SLX4IP: variants seen among roughly 807,000 people sequenced by gnomAD.
The protein encoded by SLX4IP is SLX4 interacting protein.
In SLX4IP, 34 loss-of-function variants were observed where a neutral mutation model predicts 32.9. The ratio of observed to expected loss-of-function variants is 1.03; its 90% CI spans 0.79 to 1.38. The LOEUF (loss-of-function observed/expected upper bound fraction) is 1.38. Among genes scored for constraint, SLX4IP ranks in the 40% most tolerant of loss-of-function variants. The pLI, the probability that SLX4IP is intolerant of heterozygous loss-of-function variation, is 0.00. For synonymous variants in SLX4IP, 172 were observed against 171.7 expected (o/e 1.00, Z -0.01); for missense variants, 444 against 479.0 (o/e 0.93, Z 0.68).
rs1404121462 is a variant in SLX4IP at position 10,614,276 on chromosome 20, C to T, written c.406-7038C>T. ...AGATCCAGCTCTCAAAAGATGAAGA[C>T]AGAATTCATGAAGTCCTACCTTGAG... On this transcript the variant is annotated intron_variant, in intron 6 of 7. Coordinates refer to ENST00000334534, the MANE Select transcript of SLX4IP (RefSeq NM_001009608.3). 1.0e-5 allele frequency: 6 copies of T among 602,484 alleles called. No homozygotes were observed. In the East Asian group the frequency reaches 1.7e-4, roughly 17 times the overall value. 37.3% of individuals were successfully genotyped at this position (602,484 alleles called of 1,614,324 possible).
chr20:10,449,577 G>T (rs2122328576), intron 1 of SLX4IP, among the ~76,000 whole-genome samples: 2 of 152,276 alleles, frequency 1.3e-5, no homozygotes, highest in Non-Finnish European at 1.5e-5. Context: ...TGAGATGCTG[G>T]CCTGGTCCCA....
chr20:10,601,176 T>TA (rs879724461), intron 5 of SLX4IP, among the ~76,000 whole-genome samples: 156 of 152,332 alleles, frequency 1.0e-3, no homozygotes, highest in Admixed American at 1.7e-3. Flanking sequence ...TATTTAACCA[T>TA]TTTCTTAATA....
intron 4 of SLX4IP, among the ~76,000 whole-genome samples, chr20:10,595,569 T>C (rs990729533): frequency 4.6e-5 from 7 of 152,168 alleles, no homozygotes; most frequent in African/African-American, 1.7e-4. Flanking sequence ...TAGCCCTGGG[T>C]AAGTACAAAA....
At chr20:10,515,054 A>G in intron 2 of SLX4IP, among the ~76,000 whole-genome samples, 1 of 141,462 alleles carries the variant, frequency 7.1e-6, no homozygotes, top group East Asian at 2.1e-4. Flanking sequence ...CTTTTGTTAA[A>G]TTCACATTTA....
intron 2 of SLX4IP, among the ~76,000 whole-genome samples, chr20:10,462,970 G>T (rs2065350551): frequency 6.6e-6 from 1 of 152,196 alleles, no homozygotes; most frequent in African/African-American, 2.4e-5. Context: ...TGTAGTCCCA[G>T]CCATTTGGGG....
At chr20:10,526,196 T>A (rs2065939083) in intron 2 of SLX4IP, among the ~76,000 whole-genome samples, 1 of 152,296 alleles carries the variant, frequency 6.6e-6, no homozygotes, top group Non-Finnish European at 1.5e-5. Flanking sequence ...ATATTCTACT[T>A]GGTAAAAGCC....
At chr20:10,609,323 C>G (rs2066940128) in intron 6 of SLX4IP, among the ~76,000 whole-genome samples, 1 of 152,218 alleles carries the variant, frequency 6.6e-6, no homozygotes, top group Non-Finnish European at 1.5e-5. Flanking sequence ...GAATTCAATA[C>G]TCATTTTCCC....
chr20:10,590,522 G>A (rs1245366464), intron 4 of SLX4IP, among the ~76,000 whole-genome samples: 5 of 142,808 alleles, frequency 3.5e-5, no homozygotes, highest in African/African-American at 1.0e-4. Context: ...TGCCACACCC[G>A]GCTAATTTTT....
intron 6 of SLX4IP, among the ~76,000 whole-genome samples, chr20:10,602,828 G>C (rs1479078006): frequency 1.3e-5 from 2 of 152,126 alleles, no homozygotes; most frequent in Non-Finnish European, 2.9e-5. Flanking sequence ...GAGTGTTTCA[G>C]AGGCTACAAG....
intron 2 of SLX4IP, among the ~76,000 whole-genome samples, chr20:10,464,219 C>T (rs953908565): frequency 6.6e-6 from 1 of 152,032 alleles, no homozygotes; most frequent in Non-Finnish European, 1.5e-5. Flanking sequence ...ATGGGGTCTC[C>T]TTATGCTGCC....
At chr20:10,583,500 G>A (rs982303725) in intron 4 of SLX4IP, among the ~76,000 whole-genome samples, 1 of 152,164 alleles carries the variant, frequency 6.6e-6, no homozygotes, top group Non-Finnish European at 1.5e-5. Context: ...CGGGTCAAAT[G>A]TCCTCTGGAA....
At chr20:10,463,092 C>A (rs1200643297) in intron 2 of SLX4IP, among the ~76,000 whole-genome samples, 1 of 152,148 alleles carries the variant, frequency 6.6e-6, no homozygotes, top group Non-Finnish European at 1.5e-5. Context: ...CCCAAAGAGC[C>A]AGACGGTTGA....
At chr20:10,466,385 G>T (rs946236677) in intron 2 of SLX4IP, among the ~76,000 whole-genome samples, 1 of 152,196 alleles carries the variant, frequency 6.6e-6, no homozygotes, top group African/African-American at 2.4e-5. Context: ...TCTTGGATTA[G>T]TTAGGTATTA....
chr20:10,534,793 G>A (rs2066023874), intron 2 of SLX4IP, among the ~76,000 whole-genome samples: 1 of 152,222 alleles, frequency 6.6e-6, no homozygotes, highest in African/African-American at 2.4e-5. Context: ...AGGCTTGTAG[G>A]TTATCATGTA....
chr20:10,617,871 G>T (rs1000862092), intron 6 of SLX4IP, among the ~76,000 whole-genome samples: 5 of 151,746 alleles, frequency 3.3e-5, no homozygotes, highest in Admixed American at 1.3e-4. Flanking sequence ...GAACTCCTGA[G>T]CTCAAGCTAT....
intron 2 of SLX4IP, among the ~76,000 whole-genome samples, chr20:10,510,661 G>A (rs942970674): frequency 2.0e-5 from 3 of 150,600 alleles, no homozygotes; most frequent in Non-Finnish European, 4.4e-5. Context: ...CTGGACTGCA[G>A]TGGCGCAATC....
At chr20:10,475,594 T>C (rs1050302292) in intron 2 of SLX4IP, among the ~76,000 whole-genome samples, 2 of 152,184 alleles carry the variant, frequency 1.3e-5, no homozygotes, top group Non-Finnish European at 2.9e-5. Context: ...TGCATCTTCC[T>C]TGTTATTCTC....
At chr20:10,460,905 A>G (rs1210357810) in intron 2 of SLX4IP, among the ~76,000 whole-genome samples, 2 of 152,132 alleles carry the variant, frequency 1.3e-5, no homozygotes, top group African/African-American at 4.8e-5. Context: ...TTGCTCTTCT[A>G]TAGTTTCACT....
intron 1 of SLX4IP, 97 bp from the exon 2 acceptor site, chr20:10,458,079 A>G (rs749361998): frequency 1.0e-5 from 7 of 673,556 alleles, no homozygotes; most frequent in African/African-American, 1.9e-5. Flanking sequence ...ATAAATACCT[A>G]TTGATATTTT....
Sources: allele counts gnomAD v4.1 joint callset (sites outside exome capture counted in the v4.1 genomes callset), GRCh38; gene constraint gnomAD v4.1.1; transcripts MANE v1.5; gene names NCBI Gene and HGNC (gene_info 2026-07-23, HGNC 2026-07-21).